The following RDX variants were observed in gnomAD, a reference collection of about 807,000 sequenced individuals.
RDX encodes the protein deafness, autosomal recessive 24.
RDX carries 32 observed loss-of-function variants against 83.7 expected under a neutral mutation model. The observed-to-expected ratio is 0.38, with a 90% CI of 0.29 to 0.51. RDX has a LOEUF of 0.51. Among genes scored for constraint, RDX ranks in the 20% least tolerant of loss-of-function variants. The pLI, the probability that RDX is intolerant of heterozygous loss-of-function variation, is 0.87. For synonymous variants in RDX, 229 were observed against 222.7 expected (o/e 1.03, Z -0.25); for missense variants, 600 against 689.9 (o/e 0.87, Z 1.46).
At chr11:110,274,399 T>C (rs559383790) in intron 2 of RDX, among the ~76,000 whole-genome samples, 1 of 152,214 alleles carries the variant, frequency 6.6e-6, no homozygotes, top group Non-Finnish European at 1.5e-5. Flanking sequence ...AGCTTCATTT[T>C]TCTTGATTTT....
chr11:110,187,640 G>A (rs939243180), intron 15 of RDX, among the ~76,000 whole-genome samples: 1 of 152,224 alleles, frequency 6.6e-6, no homozygotes, highest in Non-Finnish European at 1.5e-5. Context: ...CTGGGTGCTT[G>A]ATGGCTGCCC....
chr11:110,257,595 T>C (rs1390077521), intron 7 of RDX, among the ~76,000 whole-genome samples, 172 bp downstream of exon 7: 2 of 152,148 alleles, frequency 1.3e-5, no homozygotes, highest in Non-Finnish European at 2.9e-5. Flanking sequence ...TGCAAGGTGA[T>C]AAGAAAATGG....
rs189244035 is a variant in RDX at position 110,181,425 on chromosome 11, G to A, written c.*32-6191C>T. On this transcript the variant is annotated intron_variant, in intron 15 of 15. Transcript: ENST00000528498. The stretch of plus-strand genomic sequence containing the variant: ...GATCTGCCCGCCTCGGCCTCCCAGA[G>A]TGCTGGGATTGCAGGCGTGAGCCAC... Among the ~76,000 whole-genome samples the A allele has an allele frequency of 4.9e-4, 75 of 152,224 alleles. No individual in the cohort carries two copies. The Middle Eastern group carries it at 0.017, about 35-fold the overall frequency.
At chr11:110,295,478 A>C (rs1242825787) in intron 1 of RDX, among the ~76,000 whole-genome samples, 2 of 152,016 alleles carry the variant, frequency 1.3e-5, no homozygotes, top group Non-Finnish European at 2.9e-5. Flanking sequence ...CGTGTCTTCC[A>C]CCAAAATCTC....
At chr11:110,218,601 T>C (rs1864139920) in intron 14 of RDX, among the ~76,000 whole-genome samples, 1 of 152,194 alleles carries the variant, frequency 6.6e-6, no homozygotes, top group Non-Finnish European at 1.5e-5. Context: ...CTGCCCTCCC[T>C]CATGATTTTC....
chr11:110,242,966 C>G (rs1865159745), intron 10 of RDX, among the ~76,000 whole-genome samples: 1 of 151,856 alleles, frequency 6.6e-6, no homozygotes, highest in Non-Finnish European at 1.5e-5. Context: ...AATAGCAGAG[C>G]TGAATAGCTG....
chr11:110,215,026 G>C (rs1236379533), intron 14 of RDX, among the ~76,000 whole-genome samples: 1 of 117,552 alleles, frequency 8.5e-6, no homozygotes, highest in Non-Finnish European at 1.7e-5. Context: ...AAAACATTTA[G>C]GAGACCTAAC....
At chr11:110,242,867 T>TG (rs1314162310) in intron 10 of RDX, among the ~76,000 whole-genome samples, 1 of 146,820 alleles carries the variant, frequency 6.8e-6, no homozygotes, top group Non-Finnish European at 1.5e-5. Flanking sequence ...ATCCAATGCT[T>TG]TTTTTTTTTT....
intron 11 of RDX, among the ~76,000 whole-genome samples, chr11:110,236,860 T>A (rs1293044865): frequency 6.6e-6 from 1 of 152,092 alleles, no homozygotes; most frequent in Non-Finnish European, 1.5e-5. Context: ...CCTCAGGTGA[T>A]CCACCTGCCT....
chr11:110,288,207 T>C (rs565549448), intron 1 of RDX: 38 of 152,330 alleles, frequency 2.5e-4, no homozygotes, highest in African/African-American at 8.4e-4. Context: ...TTACTGAAAA[T>C]GCAAAGCAAA....
At chr11:110,178,958 C>T (rs1026603177) in intron 15 of RDX, among the ~76,000 whole-genome samples, 1 of 152,164 alleles carries the variant, frequency 6.6e-6, no homozygotes, top group African/African-American at 2.4e-5. Flanking sequence ...TTTCGTTACA[C>T]CAAGCAACTA....
chr11:110,199,252 G>C (rs1863313408), intron 15 of RDX, among the ~76,000 whole-genome samples: 1 of 152,146 alleles, frequency 6.6e-6, no homozygotes, highest in South Asian at 2.1e-4. Context: ...TAAAGTAGGA[G>C]GTCCAATCAG....
At chr11:110,228,315 G>A (rs920677800), downstream of RDX, among the ~76,000 whole-genome samples, 1 of 152,010 alleles carries the variant, frequency 6.6e-6, no homozygotes, top group African/African-American at 2.4e-5. Context: ...TTTTGTATGA[G>A]CTAGAATACT....
chr11:110,249,772 G>A (rs535448592), intron 9 of RDX, among the ~76,000 whole-genome samples: 78 of 152,266 alleles, frequency 5.1e-4, no homozygotes, highest in African/African-American at 1.9e-3. Flanking sequence ...TACTCAGGAG[G>A]CTAAGGTGCG....
At chr11:110,186,130 G>GAA (rs1565280807) in intron 15 of RDX, among the ~76,000 whole-genome samples, 1 of 152,374 alleles carries the variant, frequency 6.6e-6, no homozygotes, top group East Asian at 1.9e-4. Flanking sequence ...GATAGTTACA[G>GAA]AAGCACTCTT....
At chr11:110,244,352 A>C (rs1483795041) in intron 10 of RDX, among the ~76,000 whole-genome samples, 2 of 111,380 alleles carry the variant, frequency 1.8e-5, no homozygotes, top group Non-Finnish European at 3.5e-5. Context: ...CAACAGAGTG[A>C]GATTCTGGCT....
At chr11:110,258,262 A>C (rs1435198120) in intron 5 of RDX, 73 bp from the exon 6 acceptor site, 6 of 992,356 alleles carry the variant, frequency 6.0e-6, no homozygotes, top group Non-Finnish European at 9.1e-6. Context: ...AAAGTAAAGA[A>C]TCCTTTCAGT....
chr11:110,271,036 G>A (rs1381629050), intron 3 of RDX, among the ~76,000 whole-genome samples: 1 of 152,176 alleles, frequency 6.6e-6, no homozygotes, highest in African/African-American at 2.4e-5. Context: ...AAAGAAAAAA[G>A]TGGAGATTGG....
At chr11:110,269,583 C>G (rs1387127614) in intron 3 of RDX, among the ~76,000 whole-genome samples, 1 of 152,190 alleles carries the variant, frequency 6.6e-6, no homozygotes, top group African/African-American at 2.4e-5. Flanking sequence ...GCCAGCTTAT[C>G]CCACACACAC....
Sources: allele counts gnomAD v4.1 joint callset (sites outside exome capture counted in the v4.1 genomes callset), GRCh38; gene constraint gnomAD v4.1.1; transcripts MANE v1.5; gene names NCBI Gene and HGNC (gene_info 2026-07-23, HGNC 2026-07-21).